The following RB1CC1 variants were observed in gnomAD, a reference collection of about 807,000 sequenced individuals.
The protein encoded by RB1CC1 is RB1 inducible coiled-coil 1, also known as RB1-inducible coiled-coil protein 1.
In RB1CC1, 46 loss-of-function variants were observed where a neutral mutation model predicts 177.5. That is an observed-to-expected ratio of 0.26 (90% CI 0.20 to 0.33). RB1CC1 has a LOEUF of 0.33. Among genes scored for constraint, RB1CC1 ranks in the 10% least tolerant of loss-of-function variants. RB1CC1 has a pLI of 1.00. For synonymous variants in RB1CC1, 666 were observed against 613.6 expected, an observed-to-expected ratio of 1.09 and a Z score of -1.26; for missense variants, 1,703 against 1,816.3, an observed-to-expected ratio of 0.94 and a Z score of 1.13.
At chr8:52,666,284 T>A (rs973570724) in intron 8 of RB1CC1, among the ~76,000 whole-genome samples, 1 of 151,922 alleles carries the variant, frequency 6.6e-6, no homozygotes, top group Non-Finnish European at 1.5e-5. Context: ...CCAGCACTTT[T>A]GGAGGCCGAG....
At chr8:52,668,230 C>T (rs1852247049) in intron 7 of RB1CC1, 39 bp from the exon 8 acceptor site, 1 of 1,593,468 alleles carries the variant, frequency 6.3e-7, no homozygotes, top group Admixed American at 1.7e-5. Context: ...CAATTTTCAG[C>T]AAATAGTTTA....
At chr8:52,650,655 A>G (rs1434638044) in intron 15 of RB1CC1, among the ~76,000 whole-genome samples, 1 of 152,182 alleles carries the variant, frequency 6.6e-6, no homozygotes, top group Non-Finnish European at 1.5e-5. Flanking sequence ...GGAAAAAAAA[A>G]TCCCATAAAA....
At chr8:52,639,572 A>G (rs1849408611) in intron 18 of RB1CC1, among the ~76,000 whole-genome samples, 1 of 152,194 alleles carries the variant, frequency 6.6e-6, no homozygotes, top group Non-Finnish European at 1.5e-5. Context: ...AAATGTTTCA[A>G]TATGAAATAC....
chr8:52,630,173 G>T (rs945728248), intron 21 of RB1CC1, among the ~76,000 whole-genome samples: 1 of 152,108 alleles, frequency 6.6e-6, no homozygotes, highest in Admixed American at 6.6e-5. Flanking sequence ...CAAGACTAAG[G>T]AGATAAATGG....
chr8:52,624,700 C>A lies in RB1CC1; in HGVS notation c.4707+17G>T. 6.4e-7 allele frequency: 1 copy of A among 1,556,068 alleles called. No individual in the cohort carries two copies. The highest frequency in any genetic ancestry group is 1.7e-5 in the Admixed American group (1 of 59,346). ...TTTACAGTTCCCAGGCTTAGTATCA[C>A]ATGATGTCGTTTTTACCTTTTTGGC... On this transcript the variant is annotated intron_variant, in intron 23 of 23. Transcript: ENST00000025008.
At chr8:52,707,124 C>T (rs962713484) in intron 1 of RB1CC1, among the ~76,000 whole-genome samples, 1 of 152,214 alleles carries the variant, frequency 6.6e-6, no homozygotes, top group South Asian at 2.1e-4. Context: ...ACCTGTCTCA[C>T]AGGGTTGTGG....
In RB1CC1 at chr8:52,622,807, G is replaced by A. The variant is rs947001881; in HGVS notation, c.*975C>T. 1 of 151,824 alleles carries A rather than the reference G, an allele frequency of 6.6e-6. No individual in the cohort carries two copies. The highest frequency in any genetic ancestry group is 1.5e-5 in the Non-Finnish European group (1 of 67,558). The allele number at this position is 151,824 out of a possible 1,614,324, so 9.4% of individuals were successfully genotyped here. A position where few individuals can be genotyped will look rare whatever the true frequency, so the allele number is the denominator to read the frequency against. On this transcript the variant is annotated 3_prime_UTR_variant, in exon 24 of 24. Coordinates refer to ENST00000025008, the MANE Select transcript of RB1CC1 (RefSeq NM_014781.5). ...TAATAAACATGTTTCTCTTTGATAT[G>A]ATACATAACAATATTTTCACACTTC...
intron 15 of RB1CC1, among the ~76,000 whole-genome samples, chr8:52,654,345 A>C (rs1850889650): frequency 6.6e-6 from 1 of 152,222 alleles, no homozygotes; most frequent in Non-Finnish European, 1.5e-5. Flanking sequence ...TATAGCTTCC[A>C]GTTTGCCAAT....
intron 15 of RB1CC1, among the ~76,000 whole-genome samples, chr8:52,653,681 C>G (rs748808851): frequency 3.9e-5 from 6 of 152,024 alleles, no homozygotes; most frequent in Non-Finnish European, 7.4e-5. Context: ...GCTGAATAAC[C>G]CTTATCGGAA....
At chr8:52,632,745 A>G (rs1848857652) in intron 20 of RB1CC1, among the ~76,000 whole-genome samples, 1 of 152,208 alleles carries the variant, frequency 6.6e-6, no homozygotes, top group African/African-American at 2.4e-5. Context: ...GCTGGGAACT[A>G]CATCAAGCAA....
At chr8:52,703,790 A>G (rs1446638963) in intron 1 of RB1CC1, among the ~76,000 whole-genome samples, 1 of 152,216 alleles carries the variant, frequency 6.6e-6, no homozygotes, top group Non-Finnish European at 1.5e-5. Flanking sequence ...TGGTCATGAC[A>G]TATCATACCT....
At chr8:52,699,173 CAG>C (rs1563463626) in intron 1 of RB1CC1, among the ~76,000 whole-genome samples, 1 of 152,106 alleles carries the variant, frequency 6.6e-6, no homozygotes, top group African/African-American at 2.4e-5. Flanking sequence ...CTGACCTAAA[CAG>C]AAGGAAAAAC....
In RB1CC1 at chr8:52,623,008, A is replaced by G. The variant is rs1348443172; in HGVS notation, c.*774T>C. The G allele has an allele frequency of 6.6e-6, 1 of 152,128 alleles. No individual in the cohort carries two copies. The allele number at this position is 152,128 out of a possible 1,614,324, so 9.4% of individuals were successfully genotyped here. A position where few individuals can be genotyped will look rare whatever the true frequency, so the allele number is the denominator to read the frequency against. ...TGAATATCTTTTGTTCTGAAACTCA[A>G]CCATGAATTACGATTTCATCAATAT... On this transcript the variant is annotated 3_prime_UTR_variant, in exon 24 of 24. Transcript: ENST00000025008.
intron 1 of RB1CC1, among the ~76,000 whole-genome samples, chr8:52,691,140 C>G (rs1337049777): frequency 6.6e-6 from 1 of 152,146 alleles, no homozygotes; most frequent in Non-Finnish European, 1.5e-5. Flanking sequence ...GCTGTAATAT[C>G]TATTTAATCT....
chr8:52,624,603 T>C, intron 23 of RB1CC1, 114 bp downstream of exon 23: 1 of 838,138 alleles, frequency 1.2e-6, no homozygotes, highest in Non-Finnish European at 1.9e-6. Context: ...ATTCAAGCTC[T>C]AACTGAAATG....
At position 52,685,406 on chromosome 8, in the gene RB1CC1, C is replaced by T. The variant is rs780768752; in HGVS notation, c.64G>A (p.Val22Met). 2 of 1,592,382 alleles carry T rather than the reference C, an allele frequency of 1.3e-6. No homozygotes were observed. Among genetic ancestry groups the T allele is most frequent in the East Asian group, 2.2e-5 (1 of 44,646 alleles). ...TTLTFDTELTVQTVADLKHAI... is the reference protein window; with the variant it reads ...TTLTFDTELTMQTVADLKHAI... The stretch of plus-strand genomic sequence containing the variant: ...AAATGAAATACAACTCACGTTTGCA[C>T]TGTAAGTTCAGTGTCAAATGTTAGA... The change falls in exon 3 of 24, where the codon GTG (valine) becomes ATG (methionine). Residue 22 changes from valine (V) to methionine (M), a missense_variant. Transcript: ENST00000025008.
rs377381994 is a variant in RB1CC1 at position 52,656,048 on chromosome 8, A to G, written c.3781T>C (p.Leu1261=). 5.6e-6 allele frequency: 9 copies of G among 1,611,674 alleles called. No homozygotes were observed. The highest frequency in any genetic ancestry group is 2.2e-5 in the South Asian group (2 of 90,530). ...TTCTCAAGATGTTTAACTTTTTCTA[A>G]TAACTCTTTCTCAACAACTTCTCTC... ...LEREVVEKEL[L]EKVKHLENQI... is the part of the protein sequence containing the mutation. Residue 1261 remains leucine (L), a synonymous_variant, in exon 15 of 24, where the codon TTA becomes CTA. Coordinates refer to ENST00000025008, the MANE Select transcript of RB1CC1 (RefSeq NM_014781.5).
chr8:52,712,262 T>G (rs1159745347), intron 1 of RB1CC1, among the ~76,000 whole-genome samples: 1 of 152,180 alleles, frequency 6.6e-6, no homozygotes, highest in Admixed American at 6.6e-5. Context: ...AAAAAGATAT[T>G]CATAAGACAT....
chr8:52,650,674 CTG>C (rs1850493641), intron 15 of RB1CC1, among the ~76,000 whole-genome samples: 1 of 152,114 alleles, frequency 6.6e-6, no homozygotes, highest in South Asian at 2.1e-4. Context: ...AACATGGAAA[CTG>C]AGATTAATTC....
Sources: allele counts gnomAD v4.1 joint callset (sites outside exome capture counted in the v4.1 genomes callset), GRCh38; gene constraint gnomAD v4.1.1; transcripts MANE v1.5; gene names NCBI Gene and HGNC (gene_info 2026-07-23, HGNC 2026-07-21).